The following SLC7A7 variants were observed in gnomAD, a reference collection of about 807,000 sequenced individuals.
SLC7A7 encodes the protein Y+L amino acid transporter 1.
In SLC7A7, 39 loss-of-function variants were observed where a neutral mutation model predicts 47.9. The observed-to-expected ratio is 0.81, with a 90% CI of 0.63 to 1.06. The LOEUF (loss-of-function observed/expected upper bound fraction) is 1.06, where lower values mean the gene tolerates loss of function less well. Among genes scored for constraint, SLC7A7 ranks in the 50% least tolerant of loss-of-function variants. The pLI, the probability that SLC7A7 is intolerant of heterozygous loss-of-function variation, is 0.00. For missense variants in SLC7A7, 588 were observed against 632.0 expected (o/e 0.93, Z 0.75); for synonymous variants, 234 against 242.8 (o/e 0.96, Z 0.34).
At chr14:22,809,487 C>G (rs529621534) in intron 2 of SLC7A7, among the ~76,000 whole-genome samples, 1 of 152,122 alleles carries the variant, frequency 6.6e-6, no homozygotes, top group East Asian at 1.9e-4. Flanking sequence ...ACTATAGGCA[C>G]GCACCACCAC....
intron 2 of SLC7A7, among the ~76,000 whole-genome samples, chr14:22,793,785 C>G (rs2038966577): frequency 6.6e-6 from 1 of 151,816 alleles, no homozygotes; most frequent in South Asian, 2.1e-4. Flanking sequence ...CACTGCACTC[C>G]AGCCTGGGTG....
chr14:22,790,307 G>T (rs903439775), intron 2 of SLC7A7, among the ~76,000 whole-genome samples: 2 of 127,894 alleles, frequency 1.6e-5, no homozygotes, highest in Non-Finnish European at 3.1e-5. Flanking sequence ...TCCAGCCTGG[G>T]TGACAGAGCA....
chr14:22,806,356 C>T (rs967204740), intron 2 of SLC7A7, among the ~76,000 whole-genome samples: 4 of 151,562 alleles, frequency 2.6e-5, no homozygotes, highest in East Asian at 3.9e-4. Flanking sequence ...CCATCATGCC[C>T]GGCTAATTTT....
rs200527817 is a variant in SLC7A7, at chr14:22,774,333, G to A, written c.1245+21C>T. 7.2e-5 allele frequency: 116 copies of A among 1,614,076 alleles called. No individual in the cohort carries two copies. The African/African-American group carries it at 1.3e-3, about 19-fold the overall frequency. On this transcript the variant is annotated intron_variant, in intron 8 of 9. Coordinates refer to ENST00000674313, the MANE Select transcript of SLC7A7 (RefSeq NM_003982.4). ...CTCCAGCTGTTTCAGGTGGAGCAGA[G>A]GTAGGATGGAGTTGCCTTACCTTGA...
intron 2 of SLC7A7, among the ~76,000 whole-genome samples, chr14:22,785,578 A>C (rs565019566): frequency 6.6e-6 from 1 of 151,942 alleles, no homozygotes; most frequent in South Asian, 2.1e-4. Context: ...AAATACAAAA[A>C]TTGGCCAGGC....
Position 22,813,011 on chromosome 14 carries a change from T to C in SLC7A7, c.388A>G (p.Thr130Ala), listed in dbSNP as rs1186347011. The change falls in exon 2 of 10, where the codon ACC becomes GCC. Residue 130 changes from threonine (T) to alanine (A), a missense_variant. By Grantham distance (58) the Thr-to-Ala change is moderately conservative. Transcript: ENST00000674313. ...GTGATGGCAATGATGGCCTGGCTGGTGGGCTCAATGATGAGCAGGGAGGTC... is the reference window on the plus strand; with the variant it reads ...GTGATGGCAATGATGGCCTGGCTGGCGGGCTCAATGATGAGCAGGGAGGTC... ...LWTSLLIIEP[T>A]SQAIIAITFA... 1 of 1,613,952 alleles carries C rather than the reference T, an allele frequency of 6.2e-7. No homozygotes were observed. Among genetic ancestry groups the C allele is most frequent in the Admixed American group, 1.7e-5 (1 of 59,978 alleles).
At chr14:22,775,355 A>G in intron 7 of SLC7A7, 89 bp downstream of exon 7, 1 of 1,050,618 alleles carries the variant, frequency 9.5e-7, no homozygotes, top group Non-Finnish European at 1.5e-6. Context: ...AATCTTTCAG[A>G]GCTTTCAGGA....
At chr14:22,811,092 G>A (rs966239639) in intron 2 of SLC7A7, among the ~76,000 whole-genome samples, 6 of 152,160 alleles carry the variant, frequency 3.9e-5, no homozygotes, top group East Asian at 1.9e-4. Context: ...GATGAGTCCA[G>A]GCCAGACACA....
intron 2 of SLC7A7, among the ~76,000 whole-genome samples, chr14:22,799,336 T>TGTGG (rs3076446): frequency 0.79 from 119,384 of 151,358 alleles, 47,689 homozygotes; most frequent in Non-Finnish European, 0.86. Flanking sequence ...ATCCCTCAAA[T>TGTGG]GTGGGTATTC....
intron 2 of SLC7A7, among the ~76,000 whole-genome samples, chr14:22,789,837 G>C (rs1267480208): frequency 6.6e-6 from 1 of 151,974 alleles, no homozygotes; most frequent in Non-Finnish European, 1.5e-5. Context: ...GAAAATGGAA[G>C]GGTCCATGAG....
chr14:22,785,283 A>G (rs2038793590), intron 2 of SLC7A7, among the ~76,000 whole-genome samples: 1 of 152,166 alleles, frequency 6.6e-6, no homozygotes, highest in Non-Finnish European at 1.5e-5. Context: ...ATCTCAAAAA[A>G]TAAAATAAAA....
intron 7 of SLC7A7, 76 bp from the exon 8 acceptor site, chr14:22,774,579 A>G: frequency 1.3e-6 from 2 of 1,588,192 alleles, no homozygotes; most frequent in Non-Finnish European, 1.7e-6. Context: ...TTTATACCCC[A>G]GAAATCCATC....
intron 2 of SLC7A7, among the ~76,000 whole-genome samples, chr14:22,803,562 G>A (rs2039152355): frequency 6.6e-6 from 1 of 152,206 alleles, no homozygotes; most frequent in South Asian, 2.1e-4. Flanking sequence ...TGCCTTCCTT[G>A]CAGAAGAAAC....
chr14:22,800,917 C>T (rs542980095), intron 2 of SLC7A7, among the ~76,000 whole-genome samples: 1 of 152,016 alleles, frequency 6.6e-6, no homozygotes, highest in African/African-American at 2.4e-5. Flanking sequence ...CCAACCTGCA[C>T]AACCGGAGCA....
In SLC7A7 at chr14:22,773,385, C is replaced by T. The variant is rs555934632; in HGVS notation, c.*225G>A. The T allele has an allele frequency of 6.7e-5, 42 of 631,544 alleles. No individual in the cohort carries two copies. Among genetic ancestry groups the T allele is most frequent in the East Asian group, 3.0e-4 (9 of 30,486 alleles). 39.1% of individuals were successfully genotyped at this position (631,544 alleles called of 1,614,324 possible). A position where few individuals can be genotyped will look rare whatever the true frequency, so the allele number is the denominator to read the frequency against. On this transcript the variant is annotated 3_prime_UTR_variant, in exon 10 of 10. Transcript: ENST00000674313. ...CAACCAAGCCCAAACCTGACATGCT[C>T]CTCCCCACAGTCACCTTCATTGTCC...
chr14:22,812,193 G>A (rs1161126421), intron 2 of SLC7A7, among the ~76,000 whole-genome samples: 2 of 151,412 alleles, frequency 1.3e-5, no homozygotes, highest in Non-Finnish European at 2.9e-5. Flanking sequence ...TTGAGATAGA[G>A]TCTCACTCTG....
intron 2 of SLC7A7, among the ~76,000 whole-genome samples, chr14:22,793,699 C>T (rs1157341768): frequency 6.6e-6 from 1 of 151,958 alleles, no homozygotes; most frequent in Admixed American, 6.6e-5. Flanking sequence ...ACCTGTAACC[C>T]CAGCTACTAG....
intron 2 of SLC7A7, among the ~76,000 whole-genome samples, chr14:22,790,902 GCAGGAGA>G (rs776336527): frequency 6.6e-5 from 10 of 151,334 alleles, no homozygotes; most frequent in African/African-American, 1.9e-4. Flanking sequence ...GGAGGCTGAG[GCAGGAGA>G]ATCACTTGAG....
intron 2 of SLC7A7, among the ~76,000 whole-genome samples, chr14:22,789,968 T>C (rs934938285): frequency 6.6e-6 from 1 of 152,092 alleles, no homozygotes; most frequent in Non-Finnish European, 1.5e-5. Context: ...TCCAGAATTA[T>C]GAGATGATAA....
Sources: allele counts gnomAD v4.1 joint callset (sites outside exome capture counted in the v4.1 genomes callset), GRCh38; gene constraint gnomAD v4.1.1; transcripts MANE v1.5; gene names NCBI Gene and HGNC (gene_info 2026-07-23, HGNC 2026-07-21).